PRKCA: variants seen among roughly 807,000 people sequenced by gnomAD.
The protein encoded by PRKCA is protein kinase C alpha, also known as protein kinase C alpha type.
A neutral mutation model predicts 87.0 loss-of-function variants in PRKCA; 27 were observed. That is an observed-to-expected ratio of 0.31 (90% CI 0.23 to 0.43). The LOEUF is 0.43. Ranked by LOEUF, PRKCA falls within the 20% of genes least tolerant of loss-of-function variation. PRKCA has a pLI of 1.00. For missense variants in PRKCA, 518 were observed against 852.3 expected (o/e 0.61, Z 4.88); for synonymous variants, 329 against 311.1 (o/e 1.06, Z -0.61).
intron 2 of PRKCA, among the ~76,000 whole-genome samples, chr17:66,309,528 A>G (rs1057194980): frequency 1.3e-5 from 2 of 152,206 alleles, no homozygotes; most frequent in African/African-American, 4.8e-5. Flanking sequence ...TCCCGTTGTC[A>G]GAATTTGCTG....
intron 2 of PRKCA, among the ~76,000 whole-genome samples, chr17:66,493,297 T>TTGTGTGTGTGTGTGTGTGTGTG (rs61513917): frequency 7.0e-6 from 1 of 143,076 alleles, no homozygotes; most frequent in African/African-American, 2.5e-5. Context: ...GTAGGTATAT[T>TTGTGTGTGTGTGTGTGTGTGTG]TGTGTGTGTG....
intron 2 of PRKCA, among the ~76,000 whole-genome samples, chr17:66,391,151 G>A (rs2143637377): frequency 6.6e-6 from 1 of 152,290 alleles, no homozygotes; most frequent in East Asian, 1.9e-4. Flanking sequence ...AATGGAGCTT[G>A]GAGAGCAGCG....
chr17:66,793,325 C>A (rs548114746), intron 16 of PRKCA, among the ~76,000 whole-genome samples: 1 of 152,128 alleles, frequency 6.6e-6, no homozygotes, highest in African/African-American at 2.4e-5. Flanking sequence ...CGTGGTGGCT[C>A]ACGCCTGTAA....
At chr17:66,688,846 T>C (rs1396207058) in intron 7 of PRKCA, 105 bp from the exon 8 acceptor site, 2 of 721,876 alleles carry the variant, frequency 2.8e-6, no homozygotes, top group African/African-American at 3.6e-5. Flanking sequence ...CTGATCTGGC[T>C]GTAGCCTCTC....
chr17:66,321,391 A>T (rs1905648556), intron 2 of PRKCA, among the ~76,000 whole-genome samples: 1 of 152,218 alleles, frequency 6.6e-6, no homozygotes, highest in Admixed American at 6.5e-5. Flanking sequence ...ACCACAGCTG[A>T]TTTGATATGT....
chr17:66,702,002 G>A (rs116754026), intron 8 of PRKCA, among the ~76,000 whole-genome samples: 123 of 152,212 alleles, frequency 8.1e-4, no homozygotes, highest in African/African-American at 2.8e-3. Flanking sequence ...TCCCAGAAGA[G>A]ATATCTGTAC....
At chr17:66,693,324 C>T (rs144388818) in intron 8 of PRKCA, among the ~76,000 whole-genome samples, 12 of 152,304 alleles carry the variant, frequency 7.9e-5, no homozygotes, top group Non-Finnish European at 1.5e-4. Context: ...ATCTGTTCCA[C>T]GTTTGTCATC....
At chr17:66,341,813 T>C (rs1170144048) in intron 2 of PRKCA, among the ~76,000 whole-genome samples, 1 of 152,256 alleles carries the variant, frequency 6.6e-6, no homozygotes, top group Non-Finnish European at 1.5e-5. Flanking sequence ...ATTTTGCATG[T>C]TACTGTAAAC....
chr17:66,783,246 C>T (rs1975285196), intron 14 of PRKCA, among the ~76,000 whole-genome samples: 1 of 152,194 alleles, frequency 6.6e-6, no homozygotes, highest in African/African-American at 2.4e-5. Context: ...AGAATCCTTC[C>T]AGCCCTAGAC....
chr17:66,499,604 T>G (rs965052532), intron 3 of PRKCA, among the ~76,000 whole-genome samples: 1 of 152,162 alleles, frequency 6.6e-6, no homozygotes, highest in African/African-American at 2.4e-5. Context: ...TCATAGGGCC[T>G]GGAGCCAGGT....
At chr17:66,763,623 C>G (rs1412148361) in intron 13 of PRKCA, among the ~76,000 whole-genome samples, 1 of 152,118 alleles carries the variant, frequency 6.6e-6, no homozygotes, top group East Asian at 1.9e-4. Flanking sequence ...AAAGGATATT[C>G]TTTGTTTCCC....
intron 3 of PRKCA, among the ~76,000 whole-genome samples, chr17:66,617,710 G>A (rs1970553847): frequency 6.6e-6 from 1 of 152,110 alleles, no homozygotes; most frequent in Non-Finnish European, 1.5e-5. Flanking sequence ...GCACTCCATA[G>A]AACTGCTTGA....
chr17:66,488,129 T>A (rs976449932), intron 2 of PRKCA, among the ~76,000 whole-genome samples: 2 of 152,152 alleles, frequency 1.3e-5, no homozygotes, highest in African/African-American at 2.4e-5. Flanking sequence ...CCAAGTTAAT[T>A]CTTAACTTGC....
intron 11 of PRKCA, among the ~76,000 whole-genome samples, chr17:66,739,771 AG>A (rs1030281654): frequency 3.3e-5 from 5 of 149,466 alleles, no homozygotes; most frequent in African/African-American, 1.2e-4. Flanking sequence ...GGGCGGGGGA[AG>A]GGGGGAACGT....
At chr17:66,413,730 A>G (rs770796129) in intron 2 of PRKCA, among the ~76,000 whole-genome samples, 1 of 152,120 alleles carries the variant, frequency 6.6e-6, no homozygotes, top group Non-Finnish European at 1.5e-5. Context: ...ATTAAGTATC[A>G]GGGCTGGGTG....
At chr17:66,796,870 C>A in intron 16 of PRKCA, 1 of 985,360 alleles carries the variant, frequency 1.0e-6, no homozygotes, top group Non-Finnish European at 1.2e-6. Context: ...GAAGTACCTC[C>A]TGCATTTGGT....
intron 2 of PRKCA, among the ~76,000 whole-genome samples, chr17:66,457,392 C>G (rs577917915): frequency 5.9e-5 from 9 of 152,180 alleles, no homozygotes; most frequent in South Asian, 2.1e-4. Context: ...ATTTGTTGAG[C>G]CTTGGTGCAT....
chr17:66,701,158 C>T (rs1420207023), intron 8 of PRKCA, among the ~76,000 whole-genome samples: 2 of 152,086 alleles, frequency 1.3e-5, no homozygotes. Context: ...ACGTGGTCAA[C>T]TATCTTTGAC....
At chr17:66,306,351 G>A in intron 2 of PRKCA, 1 of 388,722 alleles carries the variant, frequency 2.6e-6, no homozygotes, top group Non-Finnish European at 4.5e-6. Flanking sequence ...AAGCCTTTCT[G>A]TAATTTTATT....
Sources: allele counts gnomAD v4.1 joint callset (sites outside exome capture counted in the v4.1 genomes callset), GRCh38; gene constraint gnomAD v4.1.1; transcripts MANE v1.5; gene names NCBI Gene and HGNC (gene_info 2026-07-23, HGNC 2026-07-21).